SPAST: variants seen among roughly 807,000 people sequenced by gnomAD.
SPAST encodes spastic paraplegia 4 (autosomal dominant; spastin).
A neutral mutation model predicts 76.6 loss-of-function variants in SPAST; 30 were observed. The ratio of observed to expected loss-of-function variants is 0.39; its 90% CI spans 0.29 to 0.53. The LOEUF is 0.53. Among genes scored for constraint, SPAST ranks in the 20% least tolerant of loss-of-function variants. The pLI, the probability that SPAST is intolerant of heterozygous loss-of-function variation, is 0.68. For synonymous variants in SPAST, 305 were observed against 281.0 expected (o/e 1.09, Z -0.86); for missense variants, 717 against 770.5 (o/e 0.93, Z 0.82).
intron 3 of SPAST, among the ~76,000 whole-genome samples, chr2:32,091,524 A>C (rs1573076132): frequency 6.7e-6 from 1 of 148,916 alleles, no homozygotes; most frequent in East Asian, 2.1e-4. Context: ...TGATCCATCC[A>C]CCTCAGCCTC....
chr2:32,065,307 C>T (rs569835814), intron 1 of SPAST, among the ~76,000 whole-genome samples: 17 of 152,182 alleles, frequency 1.1e-4, no homozygotes, highest in African/African-American at 4.1e-4. Context: ...CATGAGCCAC[C>T]GCGCCTGGCC....
At chr2:32,122,244 G>T (rs1679045066) in intron 7 of SPAST, among the ~76,000 whole-genome samples, 1 of 152,156 alleles carries the variant, frequency 6.6e-6, no homozygotes, top group African/African-American at 2.4e-5. Context: ...TTGACTATTG[G>T]TGTTCCAGAA....
chr2:32,112,497 G>A (rs532762950), intron 4 of SPAST, among the ~76,000 whole-genome samples: 38 of 151,754 alleles, frequency 2.5e-4, no homozygotes, highest in African/African-American at 8.5e-4. Flanking sequence ...ACAGGCGCAC[G>A]CCACCACACC....
At chr2:32,152,546 C>A (rs748366134) in intron 16 of SPAST, among the ~76,000 whole-genome samples, 25 of 152,046 alleles carry the variant, frequency 1.6e-4, no homozygotes, top group Non-Finnish European at 3.4e-4. Flanking sequence ...AACAGTGAGA[C>A]CCTGTCTCAA....
intron 1 of SPAST, among the ~76,000 whole-genome samples, chr2:32,072,284 T>A (rs1211820225): frequency 6.6e-6 from 1 of 152,034 alleles, no homozygotes; most frequent in African/African-American, 2.4e-5. Flanking sequence ...ACCTCGTGAT[T>A]CACCCGCCTC....
At chr2:32,077,742 A>G (rs1166678745) in intron 1 of SPAST, 1 of 152,214 alleles carries the variant, frequency 6.6e-6, no homozygotes, top group Admixed American at 6.5e-5. Flanking sequence ...AAGAAAACGT[A>G]CAGTAGATAA....
At chr2:32,129,352 G>T (rs1272372683) in intron 9 of SPAST, 1 of 151,464 alleles carries the variant, frequency 6.6e-6, no homozygotes, top group Admixed American at 6.6e-5. Context: ...GACTCTCAAA[G>T]TGCTGGAATT....
chr2:32,098,793 T>A lies in SPAST; in HGVS notation c.587-3T>A, dbSNP rs376919265. Reference sequence around the variant, plus strand: ...TCTGTTTTTTACCTTCTCTGTTGCATAGAGAAGATGCAACCAGTTTTGCCA... The same window carrying A: ...TCTGTTTTTTACCTTCTCTGTTGCAAAGAGAAGATGCAACCAGTTTTGCCA... On this transcript the variant is annotated splice_polypyrimidine_tract_variant and splice_region_variant and intron_variant, in intron 3 of 16. Transcript: ENST00000315285. 6.3e-7 allele frequency: 1 copy of A among 1,593,908 alleles called. No individual in the cohort carries two copies. Among genetic ancestry groups the A allele is most frequent in the African/African-American group, 1.3e-5 (1 of 74,560 alleles).
At chr2:32,111,759 G>A (rs1319685646) in intron 4 of SPAST, among the ~76,000 whole-genome samples, 6 of 151,040 alleles carry the variant, frequency 4.0e-5, no homozygotes, top group African/African-American at 1.5e-4. Flanking sequence ...TCCAGTGTCT[G>A]AAATACCCTC....
intron 1 of SPAST, among the ~76,000 whole-genome samples, chr2:32,081,108 G>A (rs755883319): frequency 6.6e-5 from 10 of 152,078 alleles, no homozygotes; most frequent in African/African-American, 1.7e-4. Context: ...ACAGGCGTGC[G>A]CCACCACGCC....
intron 16 of SPAST, 75 bp downstream of exon 16, chr2:32,147,333 T>C: frequency 1.4e-6 from 1 of 710,036 alleles, no homozygotes; most frequent in Non-Finnish European, 2.2e-6. Context: ...TATATGAATG[T>C]GTGTGTGTGT....
chr2:32,090,837 A>G (rs140186091), intron 3 of SPAST, among the ~76,000 whole-genome samples: 17 of 152,266 alleles, frequency 1.1e-4, no homozygotes, highest in African/African-American at 4.1e-4. Context: ...CCTTGATCAC[A>G]TTGAAAGTTG....
rs1323756358 is a variant in SPAST, at chr2:32,155,597, C to T, written c.*1101C>T. Reference sequence around the variant, plus strand: ...GTTCCTTCTGCTTGCTTTATTAACTCAAAAGTTCTAGTTCTAGTCTGTTGA... The same window carrying T: ...GTTCCTTCTGCTTGCTTTATTAACTTAAAAGTTCTAGTTCTAGTCTGTTGA... On this transcript the variant is annotated 3_prime_UTR_variant, in exon 17 of 17. Transcript: ENST00000315285. 2 of 152,278 alleles carry T rather than the reference C, an allele frequency of 1.3e-5. No homozygotes were observed. Among genetic ancestry groups the T allele is most frequent in the African/African-American group, 4.8e-5 (2 of 41,382 alleles). 9.4% of individuals were successfully genotyped at this position (152,278 alleles called of 1,614,324 possible).
intron 1 of SPAST, among the ~76,000 whole-genome samples, chr2:32,067,105 A>G (rs955207810): frequency 6.6e-6 from 1 of 152,002 alleles, no homozygotes; most frequent in African/African-American, 2.4e-5. Context: ...TCAGTTGCCC[A>G]GGCTGGAGTG....
chr2:32,078,101 C>T (rs2148700296), intron 1 of SPAST, among the ~76,000 whole-genome samples: 1 of 151,904 alleles, frequency 6.6e-6, no homozygotes, highest in African/African-American at 2.4e-5. Flanking sequence ...CGCCATTCTC[C>T]TGCCTCAGCC....
At position 32,114,808 on chromosome 2, in the gene SPAST, G is replaced by A; in HGVS notation, c.853G>A (p.Ala285Thr). 4.3e-6 allele frequency: 7 copies of A among 1,613,914 alleles called. No homozygotes were observed. Among genetic ancestry groups the A allele is most frequent in the Non-Finnish European group, 5.9e-6 (7 of 1,179,880 alleles). Reference protein sequence around the residue: ...VSGVKQGSGPAPTTHKGTPKT... With the variant: ...VSGVKQGSGPTPTTHKGTPKT... ...TGGAGTGAAACAGGGATCTGGTCCT[G>A]CTCCTACCACTCATAAGGTATTCTG... Residue 285 changes from alanine (A) to threonine (T), a missense_variant, in exon 5 of 17, where the codon GCT becomes ACT. Physicochemically the swap from Ala to Thr is moderately conservative, Grantham distance 58 (BLOSUM62 0). Coordinates refer to ENST00000315285, the MANE Select transcript of SPAST (RefSeq NM_014946.4).
chr2:32,084,906 AAAAAG>A (rs1677409765), intron 1 of SPAST, among the ~76,000 whole-genome samples: 1 of 151,346 alleles, frequency 6.6e-6, no homozygotes, highest in African/African-American at 2.4e-5. Flanking sequence ...AAAAAAAAAA[AAAAAG>A]GGAAGGAGCA....
chr2:32,080,607 A>G (rs1177408511), intron 1 of SPAST, among the ~76,000 whole-genome samples: 2 of 151,960 alleles, frequency 1.3e-5, no homozygotes, highest in African/African-American at 2.4e-5. Flanking sequence ...AGCTAATGTT[A>G]AAGGATTTTG....
At chr2:32,144,232 C>T (rs1016307878) in intron 14 of SPAST, among the ~76,000 whole-genome samples, 1 of 152,146 alleles carries the variant, frequency 6.6e-6, no homozygotes, top group Non-Finnish European at 1.5e-5. Flanking sequence ...TGTCTATCCC[C>T]TTATTTAAAA....
Sources: allele counts gnomAD v4.1 joint callset (sites outside exome capture counted in the v4.1 genomes callset), GRCh38; gene constraint gnomAD v4.1.1; transcripts MANE v1.5; gene names NCBI Gene and HGNC (gene_info 2026-07-23, HGNC 2026-07-21).